Variants in ARHGAP6 observed in about 807,000 individuals in gnomAD.
ARHGAP6 encodes the protein Rho GTPase activating protein 6.
A neutral mutation model predicts 55.7 loss-of-function variants in ARHGAP6; 16 were observed. That is an observed-to-expected ratio of 0.29 (90% CI 0.19 to 0.44). The LOEUF (loss-of-function observed/expected upper bound fraction) is 0.44, where lower values mean the gene tolerates loss of function less well. Ranked by LOEUF, ARHGAP6 falls within the 20% of genes least tolerant of loss-of-function variation. The pLI is 1.00. For missense variants in ARHGAP6, 698 were observed against 808.9 expected, an observed-to-expected ratio of 0.86 and a Z score of 1.66; for synonymous variants, 382 against 360.9, an observed-to-expected ratio of 1.06 and a Z score of -0.66.
chrX:11,470,229 T>C (rs1054222573), intron 1 of ARHGAP6, among the ~76,000 whole-genome samples: 2 of 112,198 alleles, frequency 1.8e-5, no homozygotes, highest in African/African-American at 6.5e-5. Context: ...AATGTCAGTT[T>C]ACCAAGACCT....
chrX:11,139,757 C>T (rs748558328), intron 12 of ARHGAP6, among the ~76,000 whole-genome samples: 34 of 112,040 alleles, frequency 3.0e-4, no homozygotes, highest in African/African-American at 1.1e-3. Context: ...TATGCCTAGA[C>T]TCTGACAGGT....
intron 1 of ARHGAP6, among the ~76,000 whole-genome samples, chrX:11,402,656 C>T (rs1054404015): frequency 8.9e-6 from 1 of 111,931 alleles, no homozygotes; most frequent in Non-Finnish European, 1.9e-5. Context: ...GAGCCTTCCA[C>T]CTAAATGCCA....
intron 1 of ARHGAP6, among the ~76,000 whole-genome samples, chrX:11,282,741 C>T (rs2047873209): frequency 8.9e-6 from 1 of 111,794 alleles, no homozygotes; most frequent in South Asian, 3.7e-4. Context: ...AATGCTTAGA[C>T]CAAGTAAATC....
intron 1 of ARHGAP6, among the ~76,000 whole-genome samples, chrX:11,435,482 A>G (rs768711853): frequency 1.8e-5 from 2 of 112,223 alleles, no homozygotes; most frequent in Non-Finnish European, 3.8e-5. Flanking sequence ...CTTCAGGACC[A>G]TGGGCATCAG....
chrX:11,139,056 C>T lies in ARHGAP6; in HGVS notation c.2732G>A (p.Gly911Glu). 2.5e-6 allele frequency: 3 copies of T among 1,206,787 alleles called. No individual in the cohort carries two copies. The highest frequency in any genetic ancestry group is 2.2e-6 in the Non-Finnish European group (2 of 893,493). Residue 911 changes from glycine to glutamate, a missense_variant, in exon 13 of 13, where the codon GGA becomes GAA. Physicochemically the swap from Gly to Glu is moderately conservative, Grantham distance 98. Transcript: ENST00000337414. ...PEGVETPTDQ[G>E]GQAAEREQQV... ...CTGCTCTCGCTCGGCTGCTTGGCCT[C>T]CCTGGTCCGTGGGTGTCTCCACGCC...
Position 11,254,905 on chromosome X carries a change from A to G in ARHGAP6, c.589-198T>C, listed in dbSNP as rs1035494686. ...GTTAGTTGCAAATGTCAAAATCTCA[A>G]GTATCTGCTGGGTCACATGATCTTA... On this transcript the variant is annotated intron_variant, in intron 1 of 12. Transcript: ENST00000337414. 1.7e-4 allele frequency among the ~76,000 whole-genome samples: 19 copies of G among 110,917 alleles called. 1 individual carries two copies.
At chrX:11,205,897 T>C in intron 2 of ARHGAP6, among the ~76,000 whole-genome samples, 1 of 112,346 alleles carries the variant, frequency 8.9e-6, no homozygotes, top group Non-Finnish European at 1.9e-5. Flanking sequence ...AGATTCTATA[T>C]ATTTAGCATG....
chrX:11,252,363 CTG>C, intron 2 of ARHGAP6, among the ~76,000 whole-genome samples: 1 of 111,892 alleles, frequency 8.9e-6, no homozygotes, highest in East Asian at 2.8e-4. Flanking sequence ...AAAAGAATGT[CTG>C]TGCTTATTAA....
Position 11,414,926 on chromosome X carries a change from C to T in ARHGAP6, c.589-160219G>A, listed in dbSNP as rs1471942463. Among the ~76,000 whole-genome samples, 3 of 111,096 alleles carry T rather than the reference C, an allele frequency of 2.7e-5. No homozygotes were observed. The Admixed American group carries it at 2.9e-4, about 11-fold the overall frequency. On this transcript the variant is annotated intron_variant, in intron 1 of 12. Coordinates refer to ENST00000337414, the MANE Select transcript of ARHGAP6 (RefSeq NM_013427.3). Reference sequence around the variant, plus strand: ...TCAAGGATACAAAATTTTAGTTAGGCAGGAGGAGTAAGTTCATATTCCTTG... The same window carrying T: ...TCAAGGATACAAAATTTTAGTTAGGTAGGAGGAGTAAGTTCATATTCCTTG...
intron 8 of ARHGAP6, among the ~76,000 whole-genome samples, chrX:11,177,518 G>C (rs376309131): frequency 9.0e-6 from 1 of 111,137 alleles, no homozygotes; most frequent in Admixed American, 9.6e-5. Context: ...ATCAGACCCA[G>C]TTTCCTCCAC....
intron 2 of ARHGAP6, among the ~76,000 whole-genome samples, chrX:11,251,419 A>G (rs905827055): frequency 9.0e-6 from 1 of 111,289 alleles, no homozygotes; most frequent in African/African-American, 3.3e-5. Context: ...TAATTTCCCA[A>G]CTCCCCCATC....
chrX:11,571,709 AAAT>A (rs565943916), intron 1 of ARHGAP6, among the ~76,000 whole-genome samples: 74 of 95,770 alleles, frequency 7.7e-4, no homozygotes, highest in African/African-American at 1.9e-3. Flanking sequence ...CTTGTATATT[AAAT>A]AATAATAATA....
chrX:11,539,585 T>G (rs1183557888), intron 1 of ARHGAP6, among the ~76,000 whole-genome samples: 1 of 111,906 alleles, frequency 8.9e-6, no homozygotes, highest in African/African-American at 3.3e-5. Flanking sequence ...TAAACAGCTT[T>G]TTCTCATCCT....
At chrX:11,374,714 T>A (rs1485427234) in intron 1 of ARHGAP6, among the ~76,000 whole-genome samples, 3 of 112,421 alleles carry the variant, frequency 2.7e-5, no homozygotes, top group East Asian at 5.5e-4. Context: ...TAAAACCTGT[T>A]CTTCACATTA....
chrX:11,463,885 A>T (rs996695741), intron 1 of ARHGAP6, among the ~76,000 whole-genome samples: 24 of 112,336 alleles, frequency 2.1e-4, no homozygotes, highest in African/African-American at 6.8e-4. Context: ...ACTGCTTCGT[A>T]GTTGGCTGCC....
intron 1 of ARHGAP6, among the ~76,000 whole-genome samples, chrX:11,349,043 G>GTT (rs755689676): frequency 0.03 from 2,780 of 92,613 alleles, 42 homozygotes; most frequent in Middle Eastern, 0.075. Flanking sequence ...TGTTATTCCT[G>GTT]TTTTTTTTTT....
At chrX:11,619,251 C>G (rs1045827902) in intron 1 of ARHGAP6, among the ~76,000 whole-genome samples, 14 of 111,838 alleles carry the variant, frequency 1.3e-4, no homozygotes, top group Non-Finnish European at 2.4e-4. Flanking sequence ...GACAAGGGAT[C>G]TAGTCCCTGT....
At chrX:11,452,392 C>G (rs2050151867) in intron 1 of ARHGAP6, among the ~76,000 whole-genome samples, 1 of 111,639 alleles carries the variant, frequency 9.0e-6, no homozygotes, top group African/African-American at 3.3e-5. Flanking sequence ...AGGTGATCCG[C>G]CCACCTCAGC....
intron 1 of ARHGAP6, among the ~76,000 whole-genome samples, chrX:11,547,010 C>A (rs1324428831): frequency 2.7e-5 from 3 of 112,484 alleles, no homozygotes; most frequent in African/African-American, 9.7e-5. Context: ...AAATCTGAGA[C>A]ACATCAGCCT....
Sources: allele counts gnomAD v4.1 joint callset (sites outside exome capture counted in the v4.1 genomes callset), GRCh38; gene constraint gnomAD v4.1.1; transcripts MANE v1.5; gene names NCBI Gene and HGNC (gene_info 2026-07-23, HGNC 2026-07-21).